CNBD1: variants seen among roughly 807,000 people sequenced by gnomAD.
CNBD1 encodes the protein cyclic nucleotide binding domain containing 1.
CNBD1 carries 71 observed loss-of-function variants against 54.4 expected under a neutral mutation model. The observed-to-expected ratio is 1.30, with a 90% CI of 1.08 to 1.59. The LOEUF is 1.59. CNBD1 is among the 40% of genes most tolerant of loss of function. CNBD1 has a pLI of 0.00. For missense variants in CNBD1, 659 were observed against 518.0 expected (o/e 1.27, Z -2.64); for synonymous variants, 182 against 170.7 (o/e 1.07, Z -0.51).
At chr8:87,025,920 A>G (rs1162025792) in intron 4 of CNBD1, among the ~76,000 whole-genome samples, 3 of 152,208 alleles carry the variant, frequency 2.0e-5, no homozygotes, top group African/African-American at 7.2e-5. Context: ...ATGAGGATGG[A>G]GGAAAGGGAA....
chr8:87,395,054 TG>T (rs1338472504), intron 2 of CNBD1, among the ~76,000 whole-genome samples: 6 of 151,808 alleles, frequency 4.0e-5, no homozygotes, highest in Admixed American at 6.6e-5. Flanking sequence ...CTTCGCTTAA[TG>T]TTTTTTTTAC....
intron 2 of CNBD1, among the ~76,000 whole-genome samples, chr8:87,425,472 G>C (rs1808029293): frequency 6.6e-6 from 1 of 152,156 alleles, no homozygotes; most frequent in Non-Finnish European, 1.5e-5. Context: ...GGTCTTTGAT[G>C]ATGGTGACGT....
At chr8:87,148,238 T>C (rs542140417) in intron 4 of CNBD1, among the ~76,000 whole-genome samples, 7 of 152,322 alleles carry the variant, frequency 4.6e-5, no homozygotes, top group African/African-American at 1.7e-4. Flanking sequence ...TTCTGTTTCC[T>C]TTTGGTTTCA....
intron 4 of CNBD1, among the ~76,000 whole-genome samples, chr8:86,993,147 A>AT (rs1336947836): frequency 6.6e-6 from 1 of 151,592 alleles, no homozygotes; most frequent in East Asian, 1.9e-4. Flanking sequence ...GATTTTATTC[A>AT]TTTTTTAAAA....
chr8:87,140,201 T>C (rs2130737430), intron 4 of CNBD1, among the ~76,000 whole-genome samples: 1 of 152,286 alleles, frequency 6.6e-6, no homozygotes, highest in Middle Eastern at 3.4e-3. Flanking sequence ...AATTTCTGTC[T>C]CTGTCTCTCT....
intron 4 of CNBD1, among the ~76,000 whole-genome samples, chr8:87,185,592 C>A (rs1813457653): frequency 6.6e-6 from 1 of 152,106 alleles, no homozygotes; most frequent in African/African-American, 2.4e-5. Context: ...GTGGTCTATC[C>A]TATTTCCTGT....
rs537537072 is a variant in CNBD1, at chr8:87,266,197, C to T, written c.772-18481C>T. Among the ~76,000 whole-genome samples, 3 of 151,408 alleles carry T rather than the reference C, an allele frequency of 2.0e-5. No homozygotes were observed. In the South Asian group the frequency reaches 6.3e-4, roughly 32 times the overall value. ...TGCAATTCCATTGGAAAAAAAAATCCAAACAGGTTCCTTGTGGAACTTGAA... is the reference window on the plus strand; with the variant it reads ...TGCAATTCCATTGGAAAAAAAAATCTAAACAGGTTCCTTGTGGAACTTGAA... On this transcript the variant is annotated intron_variant, in intron 6 of 10. Transcript: ENST00000518476.
intron 4 of CNBD1, among the ~76,000 whole-genome samples, chr8:87,196,406 A>G (rs1051040478): frequency 6.6e-6 from 1 of 152,210 alleles, no homozygotes; most frequent in Admixed American, 6.5e-5. Flanking sequence ...TCCTTTGTAC[A>G]TCTGAGTAAA....
At chr8:87,283,949 T>C (rs754777811) in intron 6 of CNBD1, among the ~76,000 whole-genome samples, 8 of 152,128 alleles carry the variant, frequency 5.3e-5, no homozygotes, top group Non-Finnish European at 7.4e-5. Flanking sequence ...AGCTCAGTTA[T>C]GCATTTAGCT....
intron 4 of CNBD1, among the ~76,000 whole-genome samples, chr8:86,975,177 G>A (rs977577839): frequency 2.0e-5 from 3 of 151,986 alleles, no homozygotes; most frequent in South Asian, 2.1e-4. Flanking sequence ...GCATGTATAC[G>A]TTGTGGAATG....
rs540032011 is a variant in CNBD1 at position 87,414,550 on chromosome 8, A to G, written c.214-13996A>G. On this transcript the variant is annotated intron_variant, in intron 2 of 7. Transcript: ENST00000521593. ...TAAATAAAAAAAGAAATTAATATGT[A>G]CTGGATATATGTGGGTGGAAGGTTA... Among the ~76,000 whole-genome samples, 310 of 152,142 alleles carry G rather than the reference A, an allele frequency of 2.0e-3. 1 individual carries two copies. The highest frequency in any genetic ancestry group is 7.3e-3 in the African/African-American group (302 of 41,536).
In CNBD1 at chr8:86,945,178, G is replaced by T. The variant is rs559484828; in HGVS notation, c.431+5424G>T. On this transcript the variant is annotated intron_variant, in intron 4 of 10. Coordinates refer to ENST00000518476, the MANE Select transcript of CNBD1 (RefSeq NM_173538.3). ...AAAAAAGTTATGTTTGTATGTATTT[G>T]TGGGAGCTGTGGAAAGGGTAGGAGA... Among the ~76,000 whole-genome samples the T allele has an allele frequency of 7.2e-5, 11 of 152,314 alleles. No individual in the cohort carries two copies. In the South Asian group the frequency reaches 2.1e-3, roughly 29 times the overall value.
intron 4 of CNBD1, among the ~76,000 whole-genome samples, chr8:87,108,438 G>A (rs1811588115): frequency 6.6e-6 from 1 of 152,148 alleles, no homozygotes; most frequent in Non-Finnish European, 1.5e-5. Context: ...AGCTTTTAAA[G>A]TATACAAGTT....
At chr8:86,906,042 A>G (rs1809012351) in intron 3 of CNBD1, among the ~76,000 whole-genome samples, 1 of 152,202 alleles carries the variant, frequency 6.6e-6, no homozygotes, top group Non-Finnish European at 1.5e-5. Flanking sequence ...TTTGCTAGTC[A>G]GTATTTTTAT....
intron 3 of CNBD1, among the ~76,000 whole-genome samples, chr8:86,914,491 C>G (rs1489223234): frequency 6.6e-6 from 1 of 152,172 alleles, no homozygotes; most frequent in Non-Finnish European, 1.5e-5. Context: ...TAAGCACGCT[C>G]TATGATGTTT....
chr8:87,285,325 C>A (rs1200640892), intron 7 of CNBD1, among the ~76,000 whole-genome samples: 3 of 152,136 alleles, frequency 2.0e-5, no homozygotes, highest in South Asian at 4.1e-4. Flanking sequence ...CCTAATTCTG[C>A]GTTTTTAAGA....
intron 3 of CNBD1, among the ~76,000 whole-genome samples, chr8:86,925,777 T>TACCTCTGTCTGGA (rs575836779): frequency 0.018 from 2,749 of 149,782 alleles, 205 homozygotes; most frequent in Admixed American, 0.14. Flanking sequence ...AGAGGGCACC[T>TACCTCTGTCTGGA]GTAATCCTGT....
intron 8 of CNBD1, among the ~76,000 whole-genome samples, chr8:87,344,757 G>T (rs1042272243): frequency 3.3e-5 from 5 of 152,078 alleles, no homozygotes; most frequent in Non-Finnish European, 5.9e-5. Context: ...TGAATGCGTT[G>T]CATGGTACCA....
chr8:87,052,711 C>A (rs1372259540), intron 4 of CNBD1, among the ~76,000 whole-genome samples: 1 of 152,124 alleles, frequency 6.6e-6, no homozygotes, highest in Non-Finnish European at 1.5e-5. Context: ...CCCAACTTTT[C>A]TGCTGCCTGT....
Sources: allele counts gnomAD v4.1 joint callset (sites outside exome capture counted in the v4.1 genomes callset), GRCh38; gene constraint gnomAD v4.1.1; transcripts MANE v1.5; gene names NCBI Gene and HGNC (gene_info 2026-07-23, HGNC 2026-07-21).